The following NALF1 variants were observed in gnomAD, a reference collection of about 807,000 sequenced individuals.
The protein encoded by NALF1 is NALCN channel auxiliary factor 1.
In NALF1, 3 loss-of-function variants were observed where a neutral mutation model predicts 48.4. The ratio of observed to expected loss-of-function variants is 0.06; its 90% CI spans 0.03 to 0.16. The LOEUF (loss-of-function observed/expected upper bound fraction) is 0.16. Ranked by LOEUF, NALF1 falls within the 10% of genes least tolerant of loss-of-function variation. The pLI is 1.00. For missense variants in NALF1, 526 were observed against 571.5 expected (o/e 0.92, Z 0.81); for synonymous variants, 262 against 245.7 (o/e 1.07, Z -0.62).
chr13:107,802,946 C>T (rs905256844), intron 1 of NALF1, among the ~76,000 whole-genome samples: 26 of 152,066 alleles, frequency 1.7e-4, no homozygotes, highest in Non-Finnish European at 3.8e-4. Flanking sequence ...ATTCGATGAC[C>T]AGTAAATTCA....
chr13:107,813,880 C>CTGTTGT (rs1555327558), intron 1 of NALF1, among the ~76,000 whole-genome samples: 1 of 151,862 alleles, frequency 6.6e-6, no homozygotes, highest in African/African-American at 2.4e-5. Context: ...AATTAAATTG[C>CTGTTGT]TGTTGTTATT....
chr13:107,705,621 C>T (rs1594217110), intron 1 of NALF1, among the ~76,000 whole-genome samples: 1 of 151,896 alleles, frequency 6.6e-6, no homozygotes. Context: ...TATTATTAGA[C>T]ATAAACAAAA....
At chr13:107,418,583 A>C (rs1157617058) in intron 1 of NALF1, among the ~76,000 whole-genome samples, 1 of 152,094 alleles carries the variant, frequency 6.6e-6, no homozygotes, top group East Asian at 1.9e-4. Context: ...TCTGAGGTAC[A>C]TGTGCAGGTG....
chr13:107,554,071 G>A (rs984299156), intron 1 of NALF1, among the ~76,000 whole-genome samples: 3 of 152,124 alleles, frequency 2.0e-5, no homozygotes, highest in African/African-American at 7.2e-5. Context: ...AGATAATCCT[G>A]TGAGCTCATG....
At chr13:107,361,063 T>C (rs1883052339) in intron 1 of NALF1, among the ~76,000 whole-genome samples, 1 of 152,192 alleles carries the variant, frequency 6.6e-6, no homozygotes, top group Non-Finnish European at 1.5e-5. Flanking sequence ...AGTCAAGTCT[T>C]ACACATATAA....
At chr13:107,366,382 T>C (rs1883151894) in intron 1 of NALF1, among the ~76,000 whole-genome samples, 1 of 152,202 alleles carries the variant, frequency 6.6e-6, no homozygotes, top group African/African-American at 2.4e-5. Flanking sequence ...GCTTCCCCTT[T>C]TTAGCCTCTG....
intron 1 of NALF1, among the ~76,000 whole-genome samples, chr13:107,752,283 T>C (rs946233320): frequency 2.6e-5 from 4 of 152,260 alleles, no homozygotes; most frequent in African/African-American, 4.8e-5. Context: ...ATGAGTATTA[T>C]GGTTTAATAA....
At chr13:107,845,646 A>AAT (rs1174785914) in intron 1 of NALF1, among the ~76,000 whole-genome samples, 2 of 152,208 alleles carry the variant, frequency 1.3e-5, no homozygotes, top group Non-Finnish European at 2.9e-5. Flanking sequence ...AATGCAATTG[A>AAT]GAATAATCTC....
At chr13:107,862,117 T>C (rs2138650889) in intron 1 of NALF1, among the ~76,000 whole-genome samples, 1 of 152,328 alleles carries the variant, frequency 6.6e-6, no homozygotes, top group South Asian at 2.1e-4. Flanking sequence ...ATGGTTTATT[T>C]TGCAATCTAA....
At chr13:107,649,489 T>C (rs1880394367) in intron 1 of NALF1, among the ~76,000 whole-genome samples, 1 of 152,242 alleles carries the variant, frequency 6.6e-6, no homozygotes, top group Admixed American at 6.5e-5. Context: ...GAATCAGATA[T>C]TTTCTTTGCC....
At position 107,167,409 on chromosome 13, in the gene NALF1, T is replaced by C. The variant is rs1269185333; in HGVS notation, c.*3088A>G. 6.6e-6 allele frequency: 1 copy of C among 152,134 alleles called. No individual in the cohort carries two copies. Among genetic ancestry groups the C allele is most frequent in the African/African-American group, 2.4e-5 (1 of 41,424 alleles). 9.4% of individuals were successfully genotyped at this position (152,134 alleles called of 1,614,324 possible). On this transcript the variant is annotated 3_prime_UTR_variant, in exon 3 of 3. Coordinates refer to ENST00000375915, the MANE Select transcript of NALF1 (RefSeq NM_001080396.3). ...GATGTAGTGAAATCTGCATCATCAG[T>C]GATTGTTTCTGAGCTTGGGAAAGGA... is the stretch of plus-strand genomic sequence containing the variant.
intron 2 of NALF1, among the ~76,000 whole-genome samples, chr13:107,183,003 A>C (rs1246624785): frequency 6.6e-6 from 1 of 152,206 alleles, no homozygotes; most frequent in Non-Finnish European, 1.5e-5. Flanking sequence ...GAAGAGCAAA[A>C]TTAAGGTATT....
chr13:107,402,081 T>C (rs1001804339), intron 1 of NALF1, among the ~76,000 whole-genome samples: 1 of 151,084 alleles, frequency 6.6e-6, no homozygotes, highest in African/African-American at 2.5e-5. Flanking sequence ...GCAAAGCTGA[T>C]GGGATGTCCT....
At chr13:107,603,445 T>C (rs573277821) in intron 1 of NALF1, among the ~76,000 whole-genome samples, 24 of 152,198 alleles carry the variant, frequency 1.6e-4, no homozygotes, top group Non-Finnish European at 3.1e-4. Flanking sequence ...TGAGTTATTG[T>C]TTTTAGAGAT....
At chr13:107,290,187 C>A (rs78288270) in intron 1 of NALF1, among the ~76,000 whole-genome samples, 57,938 of 143,144 alleles carry the variant, frequency 0.4, 11,597 homozygotes, top group Non-Finnish European at 0.42. Flanking sequence ...AAAAAAAAAA[C>A]AAAAAAAAAA....
Position 107,301,685 on chromosome 13 carries a change from CT to C in NALF1, c.916-90931del, listed in dbSNP as rs1881840223. On this transcript the variant is annotated intron_variant, in intron 1 of 2. Coordinates refer to ENST00000375915, the MANE Select transcript of NALF1 (RefSeq NM_001080396.3). Reference sequence around the variant, plus strand: ...TTATTTCCTTTAATTTATTTTATAACTTTTTTTCTATAGTTCCTTCTTGAAT... The same window carrying C: ...TTATTTCCTTTAATTTATTTTATAACTTTTTTCTATAGTTCCTTCTTGAAT... 3.9e-5 allele frequency among the ~76,000 whole-genome samples: 6 copies of C among 152,240 alleles called. 1 individual carries two copies. The highest frequency in any genetic ancestry group is 9.6e-5 in the African/African-American group (4 of 41,550).
chr13:107,311,865 C>T (rs1882052954), intron 1 of NALF1, among the ~76,000 whole-genome samples: 2 of 152,280 alleles, frequency 1.3e-5, no homozygotes, highest in East Asian at 1.9e-4. Context: ...ATCAAAACCA[C>T]AATGAGATAC....
intron 1 of NALF1, among the ~76,000 whole-genome samples, chr13:107,279,043 C>CTTTTTTT (rs200133690): frequency 1.7e-4 from 21 of 122,940 alleles, no homozygotes; most frequent in Admixed American, 4.4e-4. Context: ...TTCTTTTCTT[C>CTTTTTTT]TTTTTTTTTT....
chr13:107,449,544 G>T (rs1258930661), intron 1 of NALF1, among the ~76,000 whole-genome samples: 1 of 152,170 alleles, frequency 6.6e-6, no homozygotes, highest in Admixed American at 6.5e-5. Context: ...TTTTAAAAAA[G>T]AAGTCTAGGA....
Sources: gnomAD v4.1 joint callset for allele counts (sites outside exome capture counted in the v4.1 genomes callset) on GRCh38, gnomAD v4.1.1 for gene constraint, MANE v1.5 for transcripts, NCBI Gene and HGNC (gene_info 2026-07-23, HGNC 2026-07-21) for gene names.